Variants in SUSD4 observed in about 807,000 individuals in gnomAD.
SUSD4 encodes sushi domain containing 4.
A neutral mutation model predicts 50.5 loss-of-function variants in SUSD4; 41 were observed. The ratio of observed to expected loss-of-function variants is 0.81; its 90% CI spans 0.63 to 1.05. SUSD4 has a LOEUF of 1.05. Among genes scored for constraint, SUSD4 ranks in the 50% least tolerant of loss-of-function variants. SUSD4 has a pLI of 0.00. For missense variants in SUSD4, 580 were observed against 634.7 expected, an observed-to-expected ratio of 0.91 and a Z score of 0.93; for synonymous variants, 257 against 257.3, an observed-to-expected ratio of 1.00 and a Z score of 0.01.
At chr1:223,348,880 T>C (rs976629664) in intron 2 of SUSD4, among the ~76,000 whole-genome samples, 1 of 152,122 alleles carries the variant, frequency 6.6e-6, no homozygotes, top group Non-Finnish European at 1.5e-5. Flanking sequence ...TTCAGAGAAA[T>C]GCATATACAA....
chr1:223,339,964 T>C (rs930025415), intron 2 of SUSD4, among the ~76,000 whole-genome samples: 5 of 152,232 alleles, frequency 3.3e-5, no homozygotes, highest in Admixed American at 2.6e-4. Flanking sequence ...GGCTCCGCTC[T>C]GGCAGAACCA....
At chr1:223,256,653 C>T (rs1010531417) in intron 5 of SUSD4, among the ~76,000 whole-genome samples, 3 of 152,172 alleles carry the variant, frequency 2.0e-5, no homozygotes, top group Non-Finnish European at 4.4e-5. Context: ...GACAGGGCAG[C>T]CTCTCTGAGA....
At chr1:223,322,139 G>T (rs1666607406) in intron 2 of SUSD4, among the ~76,000 whole-genome samples, 1 of 101,282 alleles carries the variant, frequency 9.9e-6, no homozygotes, top group African/African-American at 3.8e-5. Flanking sequence ...ACTAATTGAT[G>T]ATATGAGATT....
chr1:223,307,831 G>GT (rs1003297823), intron 2 of SUSD4, among the ~76,000 whole-genome samples: 4 of 151,824 alleles, frequency 2.6e-5, no homozygotes, highest in African/African-American at 4.8e-5. Flanking sequence ...GTCGTACTTT[G>GT]TTTTTTTTAA....
At chr1:223,310,630 C>G (rs1665818657) in intron 2 of SUSD4, among the ~76,000 whole-genome samples, 1 of 152,112 alleles carries the variant, frequency 6.6e-6, no homozygotes, top group Non-Finnish European at 1.5e-5. Context: ...TAAATATTAA[C>G]CATGCTATTT....
At chr1:223,264,438 G>T in intron 5 of SUSD4, 192 bp downstream of exon 5, 2 of 1,332,802 alleles carry the variant, frequency 1.5e-6, no homozygotes, top group South Asian at 2.4e-5. Context: ...TAAGGATGAG[G>T]GAAGCAAGTT....
At chr1:223,257,016 G>A (rs961908565) in intron 5 of SUSD4, among the ~76,000 whole-genome samples, 6 of 152,178 alleles carry the variant, frequency 3.9e-5, no homozygotes, top group Admixed American at 6.5e-5. Context: ...CTACCTGCAC[G>A]GTGCTTGGCA....
At chr1:223,238,272 T>G (rs1660352376) in intron 5 of SUSD4, among the ~76,000 whole-genome samples, 1 of 152,040 alleles carries the variant, frequency 6.6e-6, no homozygotes, top group Non-Finnish European at 1.5e-5. Flanking sequence ...TTTATTGATT[T>G]TATTAATCTT....
intron 5 of SUSD4, chr1:223,264,134 C>A (rs545905090): frequency 1.0e-6 from 1 of 985,298 alleles, no homozygotes; most frequent in Admixed American, 6.1e-5. Flanking sequence ...GAATCACAAT[C>A]TATAGTCATA....
rs575507665 is a variant in SUSD4, at chr1:223,326,635, C to CA, written c.149-33985dup. On this transcript the variant is annotated intron_variant, in intron 2 of 8. Transcript: ENST00000366878. ...TAGTAGCCAGAATCTACAAGAAACT[C>CA]AAACAAATCCGCAAGAAAAAAACAA... Among the ~76,000 whole-genome samples, 7 of 152,058 alleles carry CA rather than the reference C, an allele frequency of 4.6e-5. No homozygotes were observed. In the South Asian group the frequency reaches 1.2e-3, roughly 27 times the overall value.
intron 2 of SUSD4, among the ~76,000 whole-genome samples, chr1:223,321,094 G>A (rs983919538): frequency 2.6e-5 from 4 of 152,056 alleles, no homozygotes; most frequent in South Asian, 4.2e-4. Context: ...GTGACAGCCC[G>A]CTTCTCATCT....
Position 223,273,759 on chromosome 1 carries a change from G to A in SUSD4, c.362-5084C>T, listed in dbSNP as rs531286352. ...GAGTTTCCCTGGTTGTCAACACTTC[G>A]TGTATATTGTCATACATTGTTGCTG... On this transcript the variant is annotated intron_variant, in intron 3 of 8. Coordinates refer to ENST00000366878, the MANE Select transcript of SUSD4 (RefSeq NM_017982.4). Among the ~76,000 whole-genome samples the A allele has an allele frequency of 3.9e-5, 6 of 152,280 alleles. No individual in the cohort carries two copies. The South Asian group carries it at 1.2e-3, about 32-fold the overall frequency.
upstream of SUSD4, among the ~76,000 whole-genome samples, chr1:223,364,540 G>T (rs960378308): frequency 4.0e-5 from 6 of 150,012 alleles, no homozygotes; most frequent in African/African-American, 1.5e-4. This position sits in a 1 kb window ranked among gnomAD's most constrained non-coding sequence, Gnocchi z 4.5. Flanking sequence ...GGCGCGAGGC[G>T]CCGGCGGCCG....
At chr1:223,285,026 C>G (rs1195300183) in intron 3 of SUSD4, among the ~76,000 whole-genome samples, 2 of 152,118 alleles carry the variant, frequency 1.3e-5, no homozygotes, top group African/African-American at 4.8e-5. Flanking sequence ...ATGTTCCCAA[C>G]ACAAAGAAAT....
intron 2 of SUSD4, among the ~76,000 whole-genome samples, chr1:223,318,834 C>T: frequency 1.6e-5 from 2 of 126,462 alleles, no homozygotes; most frequent in Admixed American, 1.7e-4. Flanking sequence ...AAAAAAGAGC[C>T]CGCATCGCCA....
At chr1:223,289,717 A>C (rs994508289) in intron 3 of SUSD4, among the ~76,000 whole-genome samples, 3 of 152,222 alleles carry the variant, frequency 2.0e-5, no homozygotes, top group African/African-American at 7.2e-5. Context: ...CAGTTTCTCT[A>C]TAGGTCAAAC....
intron 3 of SUSD4, among the ~76,000 whole-genome samples, chr1:223,282,898 A>G (rs1663850752): frequency 6.6e-6 from 1 of 152,202 alleles, no homozygotes; most frequent in Non-Finnish European, 1.5e-5. Flanking sequence ...AGAGATATAG[A>G]CCAATGGAAC....
intron 2 of SUSD4, among the ~76,000 whole-genome samples, chr1:223,314,706 G>T (rs1465362955): frequency 6.6e-6 from 1 of 152,022 alleles, no homozygotes; most frequent in African/African-American, 2.4e-5. Flanking sequence ...GAGTTTCCTT[G>T]CACGAGCTCT....
chr1:223,235,222 G>A (rs1660140219), intron 5 of SUSD4: 1 of 1,052,484 alleles, frequency 9.5e-7, no homozygotes, highest in African/African-American at 1.6e-5. Flanking sequence ...AGCAGTTTTA[G>A]GTTCACAGCA....
Sources: allele counts gnomAD v4.1 joint callset (sites outside exome capture counted in the v4.1 genomes callset), GRCh38; gene constraint gnomAD v4.1.1; non-coding constraint Gnocchi (gnomAD v3.1); transcripts MANE v1.5; gene names NCBI Gene and HGNC (gene_info 2026-07-23, HGNC 2026-07-21).